The following RAB27B variants were observed in gnomAD, a reference collection of about 807,000 sequenced individuals.
The protein encoded by RAB27B is RAB27B, member RAS oncogene family.
Under a neutral mutation model 24.6 loss-of-function variants are expected in RAB27B, and 15 were observed. The observed-to-expected ratio is 0.61, with a 90% CI of 0.41 to 0.94. The LOEUF (loss-of-function observed/expected upper bound fraction) is 0.94. Among genes scored for constraint, RAB27B ranks in the 40% least tolerant of loss-of-function variants. The probability of loss-of-function intolerance (pLI) is 0.00; values close to 1 mark genes in which losing one functional copy is unlikely to be tolerated. For missense variants in RAB27B, 261 were observed against 266.8 expected, an observed-to-expected ratio of 0.98 and a Z score of 0.15; for synonymous variants, 105 against 92.5, an observed-to-expected ratio of 1.14 and a Z score of -0.78.
intron 2 of RAB27B, among the ~76,000 whole-genome samples, chr18:54,769,872 T>C (rs1908487845): frequency 6.6e-6 from 1 of 152,142 alleles, no homozygotes; most frequent in Non-Finnish European, 1.5e-5. Context: ...GTTCTTCTTC[T>C]TTTATTTTTT....
rs1449206601 is a variant in RAB27B, at chr18:54,893,201, C to T, written c.*3788C>T. On this transcript the variant is annotated 3_prime_UTR_variant, in exon 6 of 6. Transcript: ENST00000262094. ...TTTAAAAAGGATACACAATTCTTTC[C>T]TCATTGCATATTACACCAAACGTTT... is the stretch of plus-strand genomic sequence containing the variant. 1 of 152,018 alleles carries T rather than the reference C, an allele frequency of 6.6e-6. No homozygotes were observed. Among genetic ancestry groups the T allele is most frequent in the Non-Finnish European group, 1.5e-5 (1 of 67,938 alleles). The allele number at this position is 152,018 out of a possible 1,614,324, so 9.4% of individuals were successfully genotyped here. A position where few individuals can be genotyped will look rare whatever the true frequency, so the allele number is the denominator to read the frequency against.
intron 2 of RAB27B, among the ~76,000 whole-genome samples, chr18:54,723,670 T>C (rs921183424): frequency 6.6e-6 from 1 of 152,194 alleles, no homozygotes; most frequent in East Asian, 1.9e-4. Context: ...CGTAGGTAGA[T>C]AGATAAACAG....
chr18:54,817,421 A>G (rs192476911), intron 2 of RAB27B, among the ~76,000 whole-genome samples: 2 of 152,306 alleles, frequency 1.3e-5, no homozygotes, highest in Admixed American at 1.3e-4. Flanking sequence ...TTCCAAAATA[A>G]TTATCCTACT....
At chr18:54,737,352 TA>T (rs1909927670) in intron 2 of RAB27B, among the ~76,000 whole-genome samples, 2 of 152,198 alleles carry the variant, frequency 1.3e-5, no homozygotes, top group African/African-American at 4.8e-5. Flanking sequence ...TTGCCAAAAG[TA>T]ACTCAACCTT....
At chr18:54,770,609 T>C (rs193138626) in intron 2 of RAB27B, among the ~76,000 whole-genome samples, 31 of 152,162 alleles carry the variant, frequency 2.0e-4, no homozygotes, top group African/African-American at 7.0e-4. Flanking sequence ...ACTTGAGTCA[T>C]CCCAAAACCA....
At chr18:54,719,087 A>C (rs911598056) in intron 2 of RAB27B, among the ~76,000 whole-genome samples, 1 of 152,218 alleles carries the variant, frequency 6.6e-6, no homozygotes, top group African/African-American at 2.4e-5. Context: ...CAGTACCAAC[A>C]AAATTTATTT....
intron 2 of RAB27B, among the ~76,000 whole-genome samples, chr18:54,758,418 T>G (rs1326701335): frequency 6.6e-6 from 1 of 152,090 alleles, no homozygotes; most frequent in Non-Finnish European, 1.5e-5. Context: ...TAAACTAGCA[T>G]CCAAATAAAT....
At chr18:54,763,358 A>G (rs1428912343) in intron 2 of RAB27B, among the ~76,000 whole-genome samples, 7 of 152,130 alleles carry the variant, frequency 4.6e-5, no homozygotes, top group South Asian at 2.1e-4. Flanking sequence ...ATACAGACCA[A>G]TGAAGGACAA....
chr18:54,754,471 T>C (rs1037664128), intron 2 of RAB27B, among the ~76,000 whole-genome samples: 2 of 152,178 alleles, frequency 1.3e-5, no homozygotes. Flanking sequence ...TTGGATCTAG[T>C]GCAGAAAGGA....
intron 2 of RAB27B, among the ~76,000 whole-genome samples, chr18:54,822,406 A>G (rs1910339304): frequency 1.3e-5 from 2 of 152,226 alleles, no homozygotes; most frequent in Admixed American, 1.3e-4. Flanking sequence ...ATTAACAAAA[A>G]CACTGGTTTT....
At chr18:54,858,286 T>C (rs1430563978) in intron 1 of RAB27B, among the ~76,000 whole-genome samples, 2 of 152,244 alleles carry the variant, frequency 1.3e-5, no homozygotes, top group Admixed American at 1.3e-4. Context: ...ATGCTTGAAA[T>C]TTAATATGTA....
intron 2 of RAB27B, among the ~76,000 whole-genome samples, chr18:54,767,678 A>T (rs777761823): frequency 1.3e-5 from 2 of 152,138 alleles, no homozygotes; most frequent in African/African-American, 4.8e-5. Flanking sequence ...ATTTCATTCC[A>T]TGTGGTCTGT....
chr18:54,853,958 T>C (rs1359627352), intron 1 of RAB27B, among the ~76,000 whole-genome samples: 2 of 152,190 alleles, frequency 1.3e-5, no homozygotes, highest in South Asian at 2.1e-4. Flanking sequence ...AATATGTCTT[T>C]ATAACTTCCA....
chr18:54,893,473 T>A lies in RAB27B; in HGVS notation c.*4060T>A, dbSNP rs550001419. On this transcript the variant is annotated 3_prime_UTR_variant, in exon 6 of 6. Coordinates refer to ENST00000262094, the MANE Select transcript of RAB27B (RefSeq NM_004163.4). ...GAGAAAGCTTTATCATTTTTTAAGA[T>A]GCCAAGATGCTGCCTACGTTTGCAA... 1 of 152,024 alleles carries A rather than the reference T, an allele frequency of 6.6e-6. No individual in the cohort carries two copies. The highest frequency in any genetic ancestry group is 1.5e-5 in the Non-Finnish European group (1 of 67,926). The allele number at this position is 152,024 out of a possible 1,614,324, so 9.4% of individuals were successfully genotyped here.
intron 5 of RAB27B, among the ~76,000 whole-genome samples, chr18:54,888,496 C>T (rs1405295290): frequency 6.6e-6 from 1 of 152,098 alleles, no homozygotes; most frequent in East Asian, 1.9e-4. Flanking sequence ...TATCAAAGCT[C>T]ATGCTCTTAA....
Position 54,759,912 on chromosome 18 carries a change from CT to C in RAB27B, c.-20+41774del, listed in dbSNP as rs1598884126. Among the ~76,000 whole-genome samples the C allele has an allele frequency of 2.6e-5, 4 of 152,318 alleles. No homozygotes were observed. The East Asian group carries it at 7.7e-4, about 29-fold the overall frequency. On this transcript the variant is annotated intron_variant, in intron 2 of 4. Transcript: ENST00000586570. ...CAGCTCCTTATACCACTGAGAGCCA[CT>C]TTCATTGGCAATAAAATCCTCTGCA...
At chr18:54,794,654 A>G (rs1246592494) in intron 2 of RAB27B, among the ~76,000 whole-genome samples, 1 of 152,190 alleles carries the variant, frequency 6.6e-6, no homozygotes, top group Admixed American at 6.5e-5. Context: ...AAGTTCACGT[A>G]AAAAATCTTA....
intron 2 of RAB27B, among the ~76,000 whole-genome samples, chr18:54,731,299 T>C (rs973557979): frequency 1.3e-5 from 2 of 152,186 alleles, no homozygotes; most frequent in Non-Finnish European, 2.9e-5. Context: ...AACAAAAAAA[T>C]GGGCAAATCC....
chr18:54,809,907 C>T (rs1909909125), intron 2 of RAB27B, among the ~76,000 whole-genome samples: 1 of 152,124 alleles, frequency 6.6e-6, no homozygotes, highest in African/African-American at 2.4e-5. Context: ...TTGAATTGTG[C>T]TGACTTTTTA....
Sources: allele counts gnomAD v4.1 joint callset (sites outside exome capture counted in the v4.1 genomes callset), GRCh38; gene constraint gnomAD v4.1.1; transcripts MANE v1.5; gene names NCBI Gene and HGNC (gene_info 2026-07-23, HGNC 2026-07-21).